EEPD1: variants seen among roughly 807,000 people sequenced by gnomAD.
The protein encoded by EEPD1 is endonuclease/exonuclease/phosphatase family domain containing 1.
In EEPD1, 17 loss-of-function variants were observed where a neutral mutation model predicts 46.3. The ratio of observed to expected loss-of-function variants is 0.37; its 90% confidence interval spans 0.25 to 0.55. The LOEUF is 0.55. Ranked by LOEUF, EEPD1 falls within the 20% of genes least tolerant of loss-of-function variation. The pLI is 0.83. For missense variants in EEPD1, 673 were observed against 745.6 expected (o/e 0.90, Z 1.13); for synonymous variants, 313 against 315.6 (o/e 0.99, Z 0.09).
chr7:36,203,728 C>T (rs1477140049), intron 2 of EEPD1, among the ~76,000 whole-genome samples: 2 of 152,178 alleles, frequency 1.3e-5, no homozygotes, highest in African/African-American at 4.8e-5. Context: ...CATTCTCTCA[C>T]TTTTTAGTTA....
chr7:36,285,423 C>G (rs543944687), intron 5 of EEPD1, among the ~76,000 whole-genome samples: 2 of 152,158 alleles, frequency 1.3e-5, no homozygotes, highest in South Asian at 4.1e-4. Flanking sequence ...CAGGGGCAGT[C>G]CTGTCACTGG....
intron 2 of EEPD1, among the ~76,000 whole-genome samples, chr7:36,233,611 A>G (rs1231630774): frequency 2.0e-5 from 3 of 152,222 alleles, no homozygotes; most frequent in African/African-American, 7.2e-5. Context: ...AAGGTAGCAC[A>G]AAGACCACTG....
At chr7:36,255,710 C>T (rs1433773003) in intron 3 of EEPD1, among the ~76,000 whole-genome samples, 1 of 151,922 alleles carries the variant, frequency 6.6e-6, no homozygotes, top group African/African-American at 2.4e-5. Context: ...CTATTTGATT[C>T]TTCTCTCTTT....
intron 2 of EEPD1, among the ~76,000 whole-genome samples, chr7:36,172,192 G>A (rs1785096769): frequency 6.6e-6 from 1 of 152,100 alleles, no homozygotes; most frequent in South Asian, 2.1e-4. Context: ...TTGTTATAAT[G>A]TTGGGCGTGT....
chr7:36,266,443 C>T (rs547868608), intron 3 of EEPD1, among the ~76,000 whole-genome samples: 5 of 152,250 alleles, frequency 3.3e-5, no homozygotes, highest in African/African-American at 1.2e-4. Flanking sequence ...AAGAGCTCCA[C>T]GACAGCGGTA....
At chr7:36,255,312 G>A (rs1191082809) in intron 3 of EEPD1, among the ~76,000 whole-genome samples, 2 of 152,076 alleles carry the variant, frequency 1.3e-5, no homozygotes, top group African/African-American at 4.8e-5. Context: ...GTTAATTTTT[G>A]TATAAAGTGC....
chr7:36,164,123 A>T (rs1230859365), intron 2 of EEPD1, among the ~76,000 whole-genome samples: 1 of 152,216 alleles, frequency 6.6e-6, no homozygotes, highest in African/African-American at 2.4e-5. Context: ...TTGCAAAGCA[A>T]ACTGATTGCA....
At chr7:36,294,444 A>G (rs1370800158) in intron 6 of EEPD1, among the ~76,000 whole-genome samples, 1 of 152,220 alleles carries the variant, frequency 6.6e-6, no homozygotes, top group Non-Finnish European at 1.5e-5. Flanking sequence ...AATTATTTGC[A>G]TGAAAAAATA....
intron 7 of EEPD1, 84 bp from the exon 8 acceptor site, chr7:36,298,923 G>A: frequency 6.6e-7 from 1 of 1,505,306 alleles, no homozygotes; most frequent in Non-Finnish European, 9.1e-7. Context: ...GACATGCGGT[G>A]TGACCCTCCA....
intron 2 of EEPD1, among the ~76,000 whole-genome samples, chr7:36,227,053 C>G (rs1173337867): frequency 1.3e-5 from 2 of 152,054 alleles, no homozygotes; most frequent in South Asian, 4.1e-4. Context: ...GAAAAAATAT[C>G]TACCCATCTT....
In EEPD1 at chr7:36,212,638, G is replaced by A. The variant is rs371178575; in HGVS notation, c.879-26347G>A. Among the ~76,000 whole-genome samples the A allele has an allele frequency of 2.9e-4, 44 of 149,224 alleles. 1 individual carries two copies. The highest frequency in any genetic ancestry group is 1.1e-3 in the African/African-American group (43 of 40,834). Reference sequence around the variant, plus strand: ...GCCAAGCCCAGACTCAGTGGGAGCCGACTACACAAGAGGTGAGTACTAGGG... The same window carrying A: ...GCCAAGCCCAGACTCAGTGGGAGCCAACTACACAAGAGGTGAGTACTAGGG... On this transcript the variant is annotated intron_variant, in intron 2 of 7. Coordinates refer to ENST00000242108, the MANE Select transcript of EEPD1 (RefSeq NM_030636.3).
chr7:36,175,942 G>A (rs1002993859), intron 2 of EEPD1, among the ~76,000 whole-genome samples: 9 of 152,248 alleles, frequency 5.9e-5, no homozygotes, highest in Admixed American at 2.6e-4. Context: ...GTCCCTGTGA[G>A]GTGATGACTC....
At position 36,239,165 on chromosome 7, in the gene EEPD1, C is replaced by T; in HGVS notation, c.930+129C>T. The T allele has an allele frequency of 4.4e-6, 4 of 917,546 alleles. 1 individual carries two copies. In the South Asian group the frequency reaches 6.0e-5, roughly 14 times the overall value. The allele number at this position is 917,546 out of a possible 1,614,324, so 56.8% of individuals were successfully genotyped here. ...ACGGTCAGTTATTTTGTATTCCTGA[C>T]AGCGAATCATGCAGAATTTTAATCT... On this transcript the variant is annotated intron_variant, in intron 3 of 7. Transcript: ENST00000242108.
chr7:36,170,063 T>A (rs1321514717), intron 2 of EEPD1, among the ~76,000 whole-genome samples: 1 of 152,192 alleles, frequency 6.6e-6, no homozygotes, highest in Non-Finnish European at 1.5e-5. Flanking sequence ...ACACCTTCCA[T>A]AGATTGCTGC....
chr7:36,263,917 G>C (rs1786972183), intron 3 of EEPD1, among the ~76,000 whole-genome samples: 2 of 152,216 alleles, frequency 1.3e-5, no homozygotes, highest in Admixed American at 1.3e-4. Flanking sequence ...AGGGGAGGAA[G>C]TAACAAGTAT....
intron 2 of EEPD1, chr7:36,230,718 G>A (rs1057189667): frequency 1.3e-5 from 2 of 152,162 alleles, no homozygotes; most frequent in African/African-American, 2.4e-5. Context: ...CCCATCACGC[G>A]GCTGATGCAC....
intron 3 of EEPD1, among the ~76,000 whole-genome samples, chr7:36,242,841 A>C (rs918636132): frequency 2.6e-5 from 4 of 151,566 alleles, no homozygotes; most frequent in Admixed American, 2.6e-4. Flanking sequence ...AGGCAGGAGA[A>C]TCTCTTAAAC....
chr7:36,204,760 C>G (rs546455034), intron 2 of EEPD1, among the ~76,000 whole-genome samples: 1 of 152,278 alleles, frequency 6.6e-6, no homozygotes, highest in Admixed American at 6.5e-5. Context: ...GGAAGGCCTC[C>G]CGGAGTTTCT....
intron 2 of EEPD1, among the ~76,000 whole-genome samples, chr7:36,201,598 A>G (rs1472807577): frequency 6.6e-6 from 1 of 152,114 alleles, no homozygotes; most frequent in African/African-American, 2.4e-5. Context: ...GCAAGGATAA[A>G]TGAGGTGCTG....
Sources: allele counts gnomAD v4.1 joint callset (sites outside exome capture counted in the v4.1 genomes callset), GRCh38; gene constraint gnomAD v4.1.1; transcripts MANE v1.5; gene names NCBI Gene and HGNC (gene_info 2026-07-23, HGNC 2026-07-21).